Variants in TNRC6B observed in about 807,000 individuals in gnomAD.
TNRC6B encodes the protein trinucleotide repeat containing adaptor 6B.
A neutral mutation model predicts 203.6 loss-of-function variants in TNRC6B; 52 were observed. The ratio of observed to expected loss-of-function variants is 0.26; its 90% CI spans 0.20 to 0.32. The LOEUF (loss-of-function observed/expected upper bound fraction) is 0.32. Among genes scored for constraint, TNRC6B ranks in the 10% least tolerant of loss-of-function variants. The pLI, the probability that TNRC6B is intolerant of heterozygous loss-of-function variation, is 1.00. For missense variants in TNRC6B, 1,923 were observed against 2,286.2 expected, an observed-to-expected ratio of 0.84 and a Z score of 3.24; for synonymous variants, 838 against 845.7, an observed-to-expected ratio of 0.99 and a Z score of 0.16.
At chr22:40,112,554 C>G (rs1251047993) in intron 1 of TNRC6B, among the ~76,000 whole-genome samples, 3 of 152,190 alleles carry the variant, frequency 2.0e-5, no homozygotes, top group African/African-American at 7.2e-5. Flanking sequence ...GTGGCTGGAT[C>G]TTCAGTATCC....
chr22:40,289,464 C>T (rs1391527667), intron 12 of TNRC6B, among the ~76,000 whole-genome samples: 1 of 152,120 alleles, frequency 6.6e-6, no homozygotes, highest in Non-Finnish European at 1.5e-5. Flanking sequence ...CTGATCTTTT[C>T]CTTGCATAAT....
intron 1 of TNRC6B, among the ~76,000 whole-genome samples, chr22:40,094,201 A>G (rs1406316513): frequency 6.6e-6 from 1 of 152,178 alleles, no homozygotes; most frequent in Non-Finnish European, 1.5e-5. Context: ...TGAGTCCTAC[A>G]CAGTACGCAT....
chr22:40,158,211 C>T (rs776716201), intron 4 of TNRC6B, among the ~76,000 whole-genome samples: 7 of 151,940 alleles, frequency 4.6e-5, no homozygotes, highest in Admixed American at 2.0e-4. Flanking sequence ...TGGTGGCACA[C>T]GCCTGTAATC....
At chr22:40,240,106 C>T (rs757114156) in intron 1 of TNRC6B, among the ~76,000 whole-genome samples, 9 of 152,186 alleles carry the variant, frequency 5.9e-5, no homozygotes, top group African/African-American at 1.9e-4. Flanking sequence ...GCTGGGATTA[C>T]AGGCATGAGC....
intron 1 of TNRC6B, among the ~76,000 whole-genome samples, chr22:40,231,525 CTT>C (rs138052): frequency 6.6e-6 from 1 of 151,824 alleles, no homozygotes; most frequent in Non-Finnish European, 1.5e-5. Context: ...TATATGGAAT[CTT>C]TTTTTAAAAT....
chr22:40,289,670 A>G (rs567440712), intron 12 of TNRC6B, among the ~76,000 whole-genome samples: 3 of 152,268 alleles, frequency 2.0e-5, no homozygotes, highest in South Asian at 2.1e-4. Flanking sequence ...AATGTCCCAG[A>G]TCTCAACCTT....
Position 40,325,237 on chromosome 22 carries a change from A to G in TNRC6B, c.*1996A>G, listed in dbSNP as rs2071387489. 6.6e-6 allele frequency: 1 copy of G among 152,662 alleles called. No homozygotes were observed. The highest frequency in any genetic ancestry group is 2.1e-4 in the South Asian group (1 of 4,832). 9.5% of individuals were successfully genotyped at this position (152,662 alleles called of 1,614,324 possible). A position where few individuals can be genotyped will look rare whatever the true frequency, so the allele number is the denominator to read the frequency against. ...TTTTCTTTCTTTAGCGTCTTCAGTGAAGGATACAATACAACAATGCCTAAT... is the reference window on the plus strand; with the variant it reads ...TTTTCTTTCTTTAGCGTCTTCAGTGGAGGATACAATACAACAATGCCTAAT... On this transcript the variant is annotated 3_prime_UTR_variant, in exon 23 of 23. Transcript: ENST00000454349.
In TNRC6B at chr22:40,329,132, CTG is replaced by C. The variant is rs1245432997; in HGVS notation, c.*5897_*5898del. 2 of 152,174 alleles carry C rather than the reference CTG, an allele frequency of 1.3e-5. No homozygotes were observed. Among genetic ancestry groups the C allele is most frequent in the Non-Finnish European group, 2.9e-5 (2 of 68,026 alleles). 9.4% of individuals were successfully genotyped at this position (152,174 alleles called of 1,614,324 possible). On this transcript the variant is annotated 3_prime_UTR_variant, in exon 23 of 23. Coordinates refer to ENST00000454349, the MANE Select transcript of TNRC6B (RefSeq NM_001162501.2). ...ATGATGCGGATGAAAATATTCTGGTCTGTGTGTATACAATGAATTGTCAGTCT... is the reference window on the plus strand; with the variant it reads ...ATGATGCGGATGAAAATATTCTGGTCTGTGTATACAATGAATTGTCAGTCT...
chr22:40,189,930 T>G (rs12159860), intron 1 of TNRC6B, among the ~76,000 whole-genome samples: 109 of 152,302 alleles, frequency 7.2e-4, no homozygotes, highest in African/African-American at 2.6e-3. Flanking sequence ...AAAAGTAGAA[T>G]GAACAGTCTC....
intron 1 of TNRC6B, among the ~76,000 whole-genome samples, chr22:40,243,958 C>G (rs2070068065): frequency 6.6e-6 from 1 of 151,866 alleles, no homozygotes; most frequent in South Asian, 2.1e-4. Context: ...CAACCTAATA[C>G]CTTTTTTTTT....
intron 1 of TNRC6B, among the ~76,000 whole-genome samples, chr22:40,063,018 C>T (rs150411380): frequency 0.017 from 2,596 of 151,930 alleles, 38 homozygotes; most frequent in Middle Eastern, 0.071. Context: ...TCACAATGAT[C>T]TAATTCTATA....
intron 3 of TNRC6B, among the ~76,000 whole-genome samples, chr22:40,132,965 A>ATATATATATAT (rs1555884674): frequency 1.2e-4 from 8 of 67,126 alleles, no homozygotes; most frequent in African/African-American, 3.1e-4. Flanking sequence ...AAAAAAAAAA[A>ATATATATATAT]AAAAATATAT....
intron 3 of TNRC6B, among the ~76,000 whole-genome samples, chr22:40,260,344 G>GT (rs2070360350): frequency 6.6e-6 from 1 of 152,104 alleles, no homozygotes; most frequent in Non-Finnish European, 1.5e-5. Flanking sequence ...GGAGTTTCTT[G>GT]TAAGAGTCCA....
At chr22:40,167,194 G>T (rs1009947138) in intron 4 of TNRC6B, among the ~76,000 whole-genome samples, 1 of 152,104 alleles carries the variant, frequency 6.6e-6, no homozygotes, top group East Asian at 1.9e-4. Context: ...CATAAATTTA[G>T]TTTATTCCAT....
intron 1 of TNRC6B, among the ~76,000 whole-genome samples, chr22:40,204,219 C>A (rs1193615192): frequency 6.6e-6 from 1 of 152,092 alleles, no homozygotes; most frequent in Admixed American, 6.6e-5. Flanking sequence ...TCTGTGGGTT[C>A]TTTGTTGTTT....
chr22:40,109,528 G>C (rs373497694), intron 1 of TNRC6B, among the ~76,000 whole-genome samples: 2 of 152,244 alleles, frequency 1.3e-5, no homozygotes, highest in East Asian at 3.9e-4. Context: ...TTTCTCTAAT[G>C]ATCAGTGATA....
At chr22:40,145,750 G>A (rs1346204179) in intron 3 of TNRC6B, among the ~76,000 whole-genome samples, 1 of 152,112 alleles carries the variant, frequency 6.6e-6, no homozygotes, top group Non-Finnish European at 1.5e-5. Flanking sequence ...GCTGAGGCAG[G>A]AGAATTGCTT....
intron 1 of TNRC6B, among the ~76,000 whole-genome samples, chr22:40,099,140 C>G (rs1261174966): frequency 6.6e-6 from 1 of 151,732 alleles, no homozygotes; most frequent in Non-Finnish European, 1.5e-5. Flanking sequence ...ATCCCAGCTA[C>G]TCATGAGGCT....
intron 13 of TNRC6B, 114 bp downstream of exon 13, chr22:40,300,700 C>T: frequency 7.2e-7 from 1 of 1,391,748 alleles, no homozygotes; most frequent in Non-Finnish European, 9.7e-7. Context: ...GGGTGCTAGT[C>T]CACACTTCTT....
Sources: gnomAD v4.1 joint callset for allele counts (sites outside exome capture counted in the v4.1 genomes callset) on GRCh38, gnomAD v4.1.1 for gene constraint, MANE v1.5 for transcripts, NCBI Gene and HGNC (gene_info 2026-07-23, HGNC 2026-07-21) for gene names.